The following DNAAF11 variants were observed in gnomAD, a reference collection of about 807,000 sequenced individuals.
The protein encoded by DNAAF11 is leucine rich repeat containing 6.
A neutral mutation model predicts 60.8 loss-of-function variants in DNAAF11; 45 were observed. The ratio of observed to expected loss-of-function variants is 0.74; its 90% confidence interval spans 0.58 to 0.95. The LOEUF (loss-of-function observed/expected upper bound fraction) is 0.95. DNAAF11 is among the 40% of genes least tolerant of loss of function. The pLI is 0.00. For synonymous variants in DNAAF11, 191 were observed against 183.5 expected (o/e 1.04, Z -0.33); for missense variants, 546 against 546.2 (o/e 1.00, Z 0.00).
rs531810006 is a variant in DNAAF11 at position 132,630,887 on chromosome 8, C to T, written c.653+1853G>A. ...CAATATTTTTAAATATCATATTATC[C>T]AGTATTGGCAAAGACTGAAAACTCT... On this transcript the variant is annotated intron_variant, in intron 5 of 11. Coordinates refer to ENST00000620350, the MANE Select transcript of DNAAF11 (RefSeq NM_012472.6). 7.9e-5 allele frequency among the ~76,000 whole-genome samples: 12 copies of T among 152,142 alleles called. No homozygotes were observed. The South Asian group carries it at 2.5e-3, about 32-fold the overall frequency.
chr8:132,674,082 CAGG>C lies in DNAAF11; in HGVS notation c.10+1399_10+1401del, dbSNP rs1158623785. Among the ~76,000 whole-genome samples the C allele has an allele frequency of 8.3e-5, 5 of 60,058 alleles. No homozygotes were observed. The Admixed American group carries it at 8.6e-4, about 10-fold the overall frequency. The allele number at this position is 60,058 out of a possible 152,430, so 39.4% of individuals were successfully genotyped here. ...GGAGGAGGAGCAGGAGGAGGAGGAG[CAGG>C]AGGAGGAGGAGCAGGAGGAGGAGGA... On this transcript the variant is annotated intron_variant, in intron 1 of 11. Transcript: ENST00000620350.
At chr8:132,658,661 G>A (rs939397629) in intron 2 of DNAAF11, among the ~76,000 whole-genome samples, 111 of 152,214 alleles carry the variant, frequency 7.3e-4, no homozygotes, top group Non-Finnish European at 1.2e-4. Flanking sequence ...TGAGAGTCTC[G>A]TCCACATCCT....
intron 1 of DNAAF11, 21 bp downstream of exon 1, chr8:132,675,463 G>A: frequency 6.4e-7 from 1 of 1,560,706 alleles, no homozygotes. Flanking sequence ...GATCGAGGAC[G>A]GAAGGTGGAG....
In DNAAF11 at chr8:132,642,491, T is replaced by C. The variant is rs144531878; in HGVS notation, c.257-4384A>G. Among the ~76,000 whole-genome samples, 1,182 of 152,328 alleles carry C rather than the reference T, an allele frequency of 7.8e-3. 15 individuals carry two copies. The highest frequency in any genetic ancestry group is 0.014 in the Non-Finnish European group (933 of 68,024). On this transcript the variant is annotated intron_variant, in intron 3 of 11. Transcript: ENST00000620350. ...GAACCAGTGAAGCTCTGGGGCTGCC[T>C]AGATGTCTGAAATGCTCACACTGGA...
intron 2 of DNAAF11, 94 bp from the exon 3 acceptor site, chr8:132,657,001 G>C (rs373570539): frequency 2.1e-5 from 11 of 511,836 alleles, no homozygotes; most frequent in African/African-American, 1.6e-4. Flanking sequence ...AAAATCTAAA[G>C]ATTATTATTA....
At chr8:132,599,623 T>G (rs1265226723) in intron 10 of DNAAF11, among the ~76,000 whole-genome samples, 1 of 152,028 alleles carries the variant, frequency 6.6e-6, no homozygotes, top group East Asian at 1.9e-4. Flanking sequence ...GTTCAACATA[T>G]GCAAATCAAT....
At chr8:132,619,443 TATA>T (rs1300677876) in intron 7 of DNAAF11, among the ~76,000 whole-genome samples, 2 of 141,504 alleles carry the variant, frequency 1.4e-5, no homozygotes, top group African/African-American at 2.8e-5. Flanking sequence ...AAACTTAAAG[TATA>T]ATAATAATAA....
At chr8:132,611,272 T>A in intron 9 of DNAAF11, 22 bp downstream of exon 9, 1 of 1,556,800 alleles carries the variant, frequency 6.4e-7, no homozygotes, top group South Asian at 1.1e-5. Flanking sequence ...GAAATTGTAA[T>A]AGCCTACAGG....
intron 2 of DNAAF11, among the ~76,000 whole-genome samples, chr8:132,659,324 T>C (rs890896756): frequency 6.6e-6 from 1 of 152,200 alleles, no homozygotes; most frequent in Non-Finnish European, 1.5e-5. Flanking sequence ...ACTTGCTAAA[T>C]AAGTGCCTAA....
intron 4 of DNAAF11, among the ~76,000 whole-genome samples, chr8:132,636,827 T>C (rs909467718): frequency 2.0e-5 from 3 of 152,230 alleles, no homozygotes; most frequent in African/African-American, 7.2e-5. Context: ...CTCATTCTCT[T>C]AATCTGAGAA....
upstream of DNAAF11, among the ~76,000 whole-genome samples, chr8:132,677,685 A>C (rs761291133): frequency 6.6e-6 from 1 of 152,114 alleles, no homozygotes; most frequent in Non-Finnish European, 1.5e-5. Flanking sequence ...TCGAGGCTGC[A>C]GTGAGCCATG....
the DNAAF11 span, among the ~76,000 whole-genome samples, chr8:132,689,645 T>A: frequency 6.6e-6 from 1 of 152,128 alleles, no homozygotes; most frequent in East Asian, 1.9e-4. Flanking sequence ...CCATTCTCTG[T>A]GACAAGAAAT....
At chr8:132,684,584 G>C in the DNAAF11 span, among the ~76,000 whole-genome samples, 27 of 152,292 alleles carry the variant, frequency 1.8e-4, no homozygotes, top group Non-Finnish European at 3.4e-4. Context: ...ACATGAGTCT[G>C]CTTAGCACCT....
chr8:132,604,215 G>A (rs1817921299), intron 10 of DNAAF11, among the ~76,000 whole-genome samples: 1 of 152,158 alleles, frequency 6.6e-6, no homozygotes, highest in African/African-American at 2.4e-5. Context: ...GAGAATAAAA[G>A]TGCATTTGTG....
intron 7 of DNAAF11, among the ~76,000 whole-genome samples, chr8:132,620,127 G>T (rs1819607929): frequency 6.6e-6 from 1 of 152,096 alleles, no homozygotes; most frequent in Non-Finnish European, 1.5e-5. Context: ...CAGGAAGATT[G>T]CCAGAGTCCA....
chr8:132,633,670 G>T (rs548131519), intron 4 of DNAAF11, among the ~76,000 whole-genome samples: 4 of 152,220 alleles, frequency 2.6e-5, no homozygotes, highest in African/African-American at 9.6e-5. Context: ...GGGCTTTACA[G>T]GTGTGATTAG....
intron 1 of DNAAF11, 50 bp from the exon 2 acceptor site, chr8:132,661,677 TAA>T: frequency 6.4e-7 from 1 of 1,558,640 alleles, no homozygotes; most frequent in Non-Finnish European, 8.8e-7. Context: ...TTGTTCAATA[TAA>T]GATTATTGTG....
intron 3 of DNAAF11, among the ~76,000 whole-genome samples, chr8:132,651,686 GTAAGAATACT>G (rs1823029805): frequency 6.6e-6 from 1 of 152,174 alleles, no homozygotes; most frequent in Non-Finnish European, 1.5e-5. Flanking sequence ...CTCATACGGT[GTAAGAATACT>G]TACTTCACAA....
chr8:132,668,460 T>C (rs560412931), intron 1 of DNAAF11, among the ~76,000 whole-genome samples: 11 of 152,172 alleles, frequency 7.2e-5, no homozygotes, highest in Admixed American at 6.5e-4. Context: ...AATCTTTTTT[T>C]TTTTCTTTGA....
Sources: gnomAD v4.1 joint callset for allele counts (sites outside exome capture counted in the v4.1 genomes callset) on GRCh38, gnomAD v4.1.1 for gene constraint, MANE v1.5 for transcripts, NCBI Gene and HGNC (gene_info 2026-07-23, HGNC 2026-07-21) for gene names.